HLA-DPA1: variants seen among roughly 807,000 people sequenced by gnomAD.
The protein encoded by HLA-DPA1 is major histocompatibility complex, class II, DP alpha 1.
HLA-DPA1 carries 20 observed loss-of-function variants against 21.5 expected under a neutral mutation model. The ratio of observed to expected loss-of-function variants is 0.93; its 90% CI spans 0.66 to 1.35. The LOEUF (loss-of-function observed/expected upper bound fraction) is 1.35, where lower values mean the gene tolerates loss of function less well. Among genes scored for constraint, HLA-DPA1 ranks in the 40% most tolerant of loss-of-function variants. The pLI is 0.00. For missense variants in HLA-DPA1, 279 were observed against 323.0 expected (o/e 0.86, Z 1.05); for synonymous variants, 123 against 129.6 (o/e 0.95, Z 0.35).
At chr6:33,067,965 T>C (rs980926011) in intron 5 of HLA-DPA1, 10 of 152,172 alleles carry the variant, frequency 6.6e-5, no homozygotes, top group African/African-American at 2.4e-4. Flanking sequence ...AATAATGAAT[T>C]AGATGTGGTC....
rs1762406497 is a variant in HLA-DPA1 at position 33,073,766 on chromosome 6, G to A, written c.-99-97C>T. Reference sequence around the variant, plus strand: ...CTGTTGCTGGGTAAAGAGGACGCTGGAAGGTGCTGGGGAAGAGATGGGAGA... The same window carrying A: ...CTGTTGCTGGGTAAAGAGGACGCTGAAAGGTGCTGGGGAAGAGATGGGAGA... On this transcript the variant is annotated intron_variant, in intron 1 of 5. Transcript: ENST00000419277. 6 of 563,612 alleles carry A rather than the reference G, an allele frequency of 1.1e-5. No individual in the cohort carries two copies. In the South Asian group the frequency reaches 1.4e-4, roughly 13 times the overall value. The allele number at this position is 563,612 out of a possible 1,614,324, so 34.9% of individuals were successfully genotyped here. A position where few individuals can be genotyped will look rare whatever the true frequency, so the allele number is the denominator to read the frequency against.
chr6:33,066,218 T>G (rs1761947263), intron 5 of HLA-DPA1: 1 of 152,196 alleles, frequency 6.6e-6, no homozygotes, highest in Non-Finnish European at 1.5e-5. Flanking sequence ...TACAATGTCA[T>G]AGTAATCAAA....
intron 5 of HLA-DPA1, chr6:33,068,110 G>C (rs72870110): frequency 0.29 from 43,943 of 152,028 alleles, 8,398 homozygotes; most frequent in East Asian, 0.69. Context: ...ACATTGCCAT[G>C]GAATGAGTCC....
exon 6 of HLA-DPA1, chr6:33,064,979 A>G (rs1188900327): frequency 6.6e-6 from 1 of 152,160 alleles, no homozygotes; most frequent in Non-Finnish European, 1.5e-5. Flanking sequence ...ACCTGGTCCT[A>G]GACTTCCAGT....
chr6:33,077,063 TC>T (rs562959696), intron 1 of HLA-DPA1, among the ~76,000 whole-genome samples: 85 of 87,716 alleles, frequency 9.7e-4, no homozygotes, highest in Middle Eastern at 5.2e-3. Context: ...ATGCTATCCC[TC>T]CCCCCTCCCC....
At chr6:33,076,278 A>G in intron 1 of HLA-DPA1, 1 of 632,704 alleles carries the variant, frequency 1.6e-6, no homozygotes, top group Non-Finnish European at 2.8e-6. Flanking sequence ...TCCCAGCTAG[A>G]GAAAGAGGTT....
chr6:33,069,331 T>C (rs1762138353), intron 3 of HLA-DPA1, 31 bp from the exon 3 acceptor site: 2 of 1,588,992 alleles, frequency 1.3e-6, no homozygotes, highest in East Asian at 2.3e-5. Context: ...GTTAGGCCCC[T>C]CTTCTGGGAT....
At chr6:33,068,616 G>T in intron 5 of HLA-DPA1, 22 bp downstream of exon 4, 2 of 1,545,356 alleles carry the variant, frequency 1.3e-6, no homozygotes, top group Non-Finnish European at 1.7e-6. Flanking sequence ...CAAATCCTAG[G>T]GCCTCCTCTT....
At chr6:33,073,396 G>T in intron 2 of HLA-DPA1, 75 bp downstream of exon 1, 2 of 922,552 alleles carry the variant, frequency 2.2e-6, no homozygotes, top group African/African-American at 1.6e-5. Context: ...TAAAATCTGT[G>T]ATCCCTGAAG....
Position 33,080,684 on chromosome 6 carries a change from T to A in HLA-DPA1, c.-104A>T, listed in dbSNP as rs1126509. On this transcript the variant is annotated 5_prime_UTR_variant, in exon 1 of 6. Transcript: ENST00000419277. This position sits in a 1 kb window ranked among gnomAD's most constrained non-coding sequence, Gnocchi z 4.3. ...CCCCTCCCCGCAGAGAATTACCTTT[T>A]CCAGGGACGGCAGGAATGCTACGCG... 0.29 allele frequency: 466,387 copies of A among 1,602,590 alleles called. 74,280 individuals carry two copies. Among genetic ancestry groups the A allele is most frequent in the African/African-American group, 0.62 (46,156 of 74,708 alleles).
At chr6:33,068,909 G>A (rs1762104242) in intron 4 of HLA-DPA1, 105 bp from the exon 4 acceptor site, 1 of 1,537,512 alleles carries the variant, frequency 6.5e-7, no homozygotes, top group African/African-American at 1.4e-5. Flanking sequence ...TTGGATGTTA[G>A]GACGAGGAGA....
intron 5 of HLA-DPA1, chr6:33,068,341 A>T (rs1762064063): frequency 7.3e-6 from 2 of 272,276 alleles, no homozygotes; most frequent in Admixed American, 4.9e-5. Context: ...TGGGAACTTG[A>T]TCAAAGTGCT....
intron 1 of HLA-DPA1, among the ~76,000 whole-genome samples, chr6:33,074,268 T>A (rs946618767): frequency 6.6e-6 from 1 of 152,170 alleles, no homozygotes; most frequent in Non-Finnish European, 1.5e-5. Context: ...AGTATTTGAT[T>A]TTTCCTGGTA....
At chr6:33,075,615 C>A (rs1364349380) in intron 1 of HLA-DPA1, among the ~76,000 whole-genome samples, 2 of 152,120 alleles carry the variant, frequency 1.3e-5, no homozygotes, top group Non-Finnish European at 2.9e-5. Flanking sequence ...TAAGATAGCA[C>A]TTTTTCCACA....
intron 4 of HLA-DPA1, 41 bp downstream of exon 3, chr6:33,068,978 G>A (rs1374743348): frequency 6.2e-7 from 1 of 1,602,922 alleles, no homozygotes; most frequent in Non-Finnish European, 8.5e-7. Flanking sequence ...CTTTGGAATA[G>A]AGGATGCCAG....
chr6:33,080,617 G>A lies in HLA-DPA1; in HGVS notation c.-100+63C>T. ...TCGTTAATATTGAGAGAGAGAGGGAGAAAGAGGATTAGATGAGAGTGGCGC... is the reference window on the plus strand; with the variant it reads ...TCGTTAATATTGAGAGAGAGAGGGAAAAAGAGGATTAGATGAGAGTGGCGC... On this transcript the variant is annotated intron_variant, in intron 1 of 5. Transcript: ENST00000419277. The surrounding 1 kb of genome is among the most constrained non-coding windows in gnomAD (Gnocchi z 4.3). The A allele has an allele frequency of 6.2e-7, 1 of 1,607,552 alleles. No individual in the cohort carries two copies. The highest frequency in any genetic ancestry group is 8.5e-7 in the Non-Finnish European group (1 of 1,175,144).
exon 5 of HLA-DPA1, chr6:33,068,638 C>A: frequency 6.2e-7 from 1 of 1,608,000 alleles, no homozygotes. Flanking sequence ...ACATTCCCAC[C>A]TTTACAGTAT....
chr6:33,071,898 T>C (rs183886630), intron 2 of HLA-DPA1, among the ~76,000 whole-genome samples: 58 of 152,222 alleles, frequency 3.8e-4, no homozygotes, highest in Non-Finnish European at 1.0e-4. Flanking sequence ...TAAGGAGAAA[T>C]AATACATAGA....
At chr6:33,076,472 C>T (rs548032368) in intron 1 of HLA-DPA1, among the ~76,000 whole-genome samples, 110 of 152,222 alleles carry the variant, frequency 7.2e-4, no homozygotes, top group African/African-American at 2.6e-3. Flanking sequence ...GGCTCCTGGG[C>T]GTGTTCATGT....
Sources: allele counts gnomAD v4.1 joint callset (sites outside exome capture counted in the v4.1 genomes callset), GRCh38; gene constraint gnomAD v4.1.1; non-coding constraint Gnocchi (gnomAD v3.1); transcripts MANE v1.5; gene names NCBI Gene and HGNC (gene_info 2026-07-23, HGNC 2026-07-21).